The following PPP1R21 variants were observed in gnomAD, a reference collection of about 807,000 sequenced individuals.
The protein encoded by PPP1R21 is protein phosphatase 1 regulatory subunit 21, also known as KLRAQ motif containing 1.
In PPP1R21, 85 loss-of-function variants were observed where a neutral mutation model predicts 112.8. The ratio of observed to expected loss-of-function variants is 0.75; its 90% CI spans 0.63 to 0.90. The LOEUF is 0.90. PPP1R21 is among the 40% of genes least tolerant of loss of function. The probability of loss-of-function intolerance (pLI) is 0.00; values close to 1 mark genes in which losing one functional copy is unlikely to be tolerated. For synonymous variants in PPP1R21, 381 were observed against 322.3 expected, an observed-to-expected ratio of 1.18 and a Z score of -1.95; for missense variants, 1,199 against 901.5, an observed-to-expected ratio of 1.33 and a Z score of -4.23.
intron 9 of PPP1R21, among the ~76,000 whole-genome samples, chr2:48,466,877 A>G (rs1400192559): frequency 6.6e-6 from 1 of 152,088 alleles, no homozygotes; most frequent in East Asian, 1.9e-4. Context: ...GTTGAAAGAG[A>G]AAAAATGGCT....
At chr2:48,441,665 ATGGGGACC>A in intron 1 of PPP1R21, among the ~76,000 whole-genome samples, 1 of 152,334 alleles carries the variant, frequency 6.6e-6, no homozygotes, top group African/African-American at 2.4e-5. Flanking sequence ...ATTAAGCAAC[ATGGGGACC>A]TGCCCCTTTC....
intron 1 of PPP1R21, among the ~76,000 whole-genome samples, chr2:48,442,141 G>A (rs1251250054): frequency 6.6e-6 from 1 of 152,190 alleles, no homozygotes; most frequent in African/African-American, 2.4e-5. Context: ...GATGGCAAGT[G>A]TTCATCTTTT....
intron 9 of PPP1R21, among the ~76,000 whole-genome samples, chr2:48,466,030 C>G (rs974092969): frequency 1.3e-5 from 2 of 152,046 alleles, no homozygotes; most frequent in African/African-American, 2.4e-5. Context: ...GAGGGAAACT[C>G]CCATTTTTAA....
At position 48,460,154 on chromosome 2, in the gene PPP1R21, G is replaced by T; in HGVS notation, c.599+1G>T. 6.2e-7 allele frequency: 1 copy of T among 1,614,100 alleles called. No homozygotes were observed. ...AATGTCGACTTCGAACGGAAGAATG[G>T]TATGTGGAAACTTGAATTCCAAGAG... On this transcript the variant is annotated splice_donor_variant, in intron 6 of 21. Coordinates refer to ENST00000294952, the MANE Select transcript of PPP1R21 (RefSeq NM_001135629.3). LOFTEE classifies it high-confidence loss of function.
chr2:48,467,108 C>T (rs944911880), intron 9 of PPP1R21, among the ~76,000 whole-genome samples: 5 of 152,138 alleles, frequency 3.3e-5, no homozygotes, highest in African/African-American at 1.2e-4. Context: ...GTATAGTTGA[C>T]CTTTTTCCTT....
chr2:48,449,097 T>C (rs1007483767), intron 1 of PPP1R21, among the ~76,000 whole-genome samples: 2 of 152,078 alleles, frequency 1.3e-5, no homozygotes, highest in Non-Finnish European at 2.9e-5. Context: ...TTTTAAAGTG[T>C]AAGTTCTTTG....
In PPP1R21 at chr2:48,483,130, G is replaced by A. The variant is rs1572869409; in HGVS notation, c.1318+3114G>A. On this transcript the variant is annotated intron_variant, in intron 13 of 21. Transcript: ENST00000294952. ...AGGACATGATCTCGTTCCTTTTTAT[G>A]GCTGCATAGTGTTCTATGACGTATA... 2.0e-5 allele frequency among the ~76,000 whole-genome samples: 3 copies of A among 151,156 alleles called. No individual in the cohort carries two copies. In the East Asian group the frequency reaches 5.8e-4, roughly 29 times the overall value.
rs897034161 is a variant in PPP1R21 at position 48,463,568 on chromosome 2, G to A, written c.695-1369G>A. ...ATGAAGGAAATGGAGAAGCATGAGAGCCTGACAGACGGGCAAAGTGAAAGA... is the reference window on the plus strand; with the variant it reads ...ATGAAGGAAATGGAGAAGCATGAGAACCTGACAGACGGGCAAAGTGAAAGA... On this transcript the variant is annotated intron_variant, in intron 7 of 21. Transcript: ENST00000294952. 2.6e-5 allele frequency among the ~76,000 whole-genome samples: 4 copies of A among 152,078 alleles called. No individual in the cohort carries two copies. In the East Asian group the frequency reaches 7.7e-4, roughly 29 times the overall value.
intron 9 of PPP1R21, among the ~76,000 whole-genome samples, chr2:48,466,433 G>T (rs1668207612): frequency 2.0e-5 from 3 of 151,788 alleles, no homozygotes; most frequent in Admixed American, 2.0e-4. Flanking sequence ...CGCCATGTTG[G>T]CCAGGCTGGT....
intron 19 of PPP1R21, 44 bp from the exon 20 acceptor site, chr2:48,509,971 A>G: frequency 1.3e-6 from 2 of 1,485,310 alleles, no homozygotes; most frequent in Non-Finnish European, 1.8e-6. Context: ...ATTTGGTTTT[A>G]GAAAGTGCTC....
Position 48,440,924 on chromosome 2 carries a change from C to G in PPP1R21, c.-30C>G. On this transcript the variant is annotated 5_prime_UTR_variant, in exon 1 of 22. Transcript: ENST00000294952. ...CGGGAGACAGGCTGAGCCGCCTGGG[C>G]GGCCTGGCCTGTACGGGGCGGGGGA... 1 of 927,626 alleles carries G rather than the reference C, an allele frequency of 1.1e-6. No homozygotes were observed. Among genetic ancestry groups the G allele is most frequent in the Admixed American group, 2.2e-5 (1 of 46,394 alleles). The allele number at this position is 927,626 out of a possible 1,614,324, so 57.5% of individuals were successfully genotyped here.
chr2:48,506,199 T>G (rs1670366516), intron 18 of PPP1R21, among the ~76,000 whole-genome samples: 1 of 152,222 alleles, frequency 6.6e-6, no homozygotes, highest in African/African-American at 2.4e-5. Flanking sequence ...GTACAAGTTA[T>G]TCTCCTGCCT....
chr2:48,465,735 T>C, intron 9 of PPP1R21, 93 bp downstream of exon 9: 2 of 1,118,662 alleles, frequency 1.8e-6, no homozygotes, highest in Middle Eastern at 2.2e-4. Flanking sequence ...ATCCAAGTAC[T>C]GCAAAGGACA....
intron 19 of PPP1R21, 126 bp downstream of exon 19, chr2:48,507,511 G>A (rs1258237542): frequency 7.1e-7 from 1 of 1,417,660 alleles, no homozygotes; most frequent in Non-Finnish European, 9.3e-7. Flanking sequence ...GGGACTATGG[G>A]TGTGTACCAC....
chr2:48,474,105 G>A (rs531595526), intron 11 of PPP1R21, among the ~76,000 whole-genome samples: 11 of 152,182 alleles, frequency 7.2e-5, no homozygotes, highest in Middle Eastern at 6.8e-3. Context: ...AAATATGGCC[G>A]GGCGTGGTGG....
chr2:48,483,284 C>T (rs892593505), intron 13 of PPP1R21, among the ~76,000 whole-genome samples: 11 of 133,106 alleles, frequency 8.3e-5, no homozygotes, highest in African/African-American at 2.3e-4. Context: ...CAGGTTCAAG[C>T]GATTCTCCTG....
At chr2:48,459,087 G>GA (rs1006896390) in intron 4 of PPP1R21, among the ~76,000 whole-genome samples, 40 of 112,620 alleles carry the variant, frequency 3.6e-4, no homozygotes, top group Non-Finnish European at 4.3e-4. Flanking sequence ...GTGAGACTCT[G>GA]TCTCAAAAAA....
At chr2:48,456,739 A>G (rs1667742599) in intron 3 of PPP1R21, among the ~76,000 whole-genome samples, 1 of 152,204 alleles carries the variant, frequency 6.6e-6, no homozygotes, top group Non-Finnish European at 1.5e-5. Flanking sequence ...TATTAGAATC[A>G]CTTGGGAAAC....
intron 1 of PPP1R21, 49 bp downstream of exon 1, chr2:48,441,059 G>C: frequency 7.2e-7 from 1 of 1,387,180 alleles, no homozygotes; most frequent in Non-Finnish European, 1.0e-6. Flanking sequence ...TGCGGCCTCA[G>C]GTTGCCGTGG....
Sources: gnomAD v4.1 joint callset for allele counts (sites outside exome capture counted in the v4.1 genomes callset) on GRCh38, gnomAD v4.1.1 for gene constraint, MANE v1.5 for transcripts, NCBI Gene and HGNC (gene_info 2026-07-23, HGNC 2026-07-21) for gene names.